SUGCT: variants seen among roughly 807,000 people sequenced by gnomAD.
The protein encoded by SUGCT is succinyl-CoA:glutarate-CoA transferase.
Under a neutral mutation model 55.0 loss-of-function variants are expected in SUGCT, and 41 were observed. The observed-to-expected ratio is 0.74, with a 90% confidence interval of 0.58 to 0.97. The LOEUF (loss-of-function observed/expected upper bound fraction) is 0.97, where lower values mean the gene tolerates loss of function less well. Among genes scored for constraint, SUGCT ranks in the 50% least tolerant of loss-of-function variants. The pLI is 0.00. For synonymous variants in SUGCT, 187 were observed against 200.4 expected (o/e 0.93, Z 0.56); for missense variants, 568 against 547.8 (o/e 1.04, Z -0.37).
At chr7:40,917,990 T>C in the SUGCT span, among the ~76,000 whole-genome samples, 5 of 152,132 alleles carry the variant, frequency 3.3e-5, no homozygotes, top group Non-Finnish European at 5.9e-5. Flanking sequence ...ATCCACATCC[T>C]GAAGGCCTAG....
rs562683593 is a variant in SUGCT, at chr7:40,331,896, G to A, written c.816+15041G>A. On this transcript the variant is annotated intron_variant, in intron 9 of 13. Transcript: ENST00000335693. ...CAAGCTCAGTAGAATTGTTAGCACC[G>A]TTAGTGTTGTTAGTATAGCCATCTT... Among the ~76,000 whole-genome samples the A allele has an allele frequency of 4.6e-5, 7 of 152,276 alleles. No individual in the cohort carries two copies. The South Asian group carries it at 1.0e-3, about 23-fold the overall frequency.
intron 12 of SUGCT, among the ~76,000 whole-genome samples, chr7:40,518,097 T>G (rs112168288): frequency 4.6e-5 from 7 of 152,120 alleles, no homozygotes; most frequent in African/African-American, 1.7e-4. Flanking sequence ...TATGCACTTA[T>G]CAAAATTCAC....
the SUGCT span, among the ~76,000 whole-genome samples, chr7:40,893,044 A>G: frequency 1.3e-5 from 2 of 152,198 alleles, no homozygotes; most frequent in African/African-American, 4.8e-5. Flanking sequence ...TATATCTGAC[A>G]AAATAGACTT....
Position 40,189,600 on chromosome 7 carries a change from G to A in SUGCT, c.363+6G>A. On this transcript the variant is annotated splice_donor_region_variant and intron_variant, in intron 5 of 13. Transcript: ENST00000335693. ...GGGTGAAAATCATCAAAGAGGTACA[G>A]TATGATGTATAGAAAGCATCCTACC... is the stretch of plus-strand genomic sequence containing the variant. 1.4e-6 allele frequency: 2 copies of A among 1,405,240 alleles called. No individual in the cohort carries two copies. Among genetic ancestry groups the A allele is most frequent in the Non-Finnish European group, 1.9e-6 (2 of 1,054,142 alleles). 87.0% of individuals were successfully genotyped at this position (1,405,240 alleles called of 1,614,324 possible). A position where few individuals can be genotyped will look rare whatever the true frequency, so the allele number is the denominator to read the frequency against.
chr7:40,179,343 G>C (rs1174159693), intron 1 of SUGCT, among the ~76,000 whole-genome samples: 3 of 151,870 alleles, frequency 2.0e-5, no homozygotes, highest in African/African-American at 7.3e-5. Flanking sequence ...GCCCAGGCTG[G>C]AGTGCAATGG....
chr7:40,969,988 A>G, the SUGCT span, among the ~76,000 whole-genome samples: 15 of 152,230 alleles, frequency 9.9e-5, no homozygotes, highest in Non-Finnish European at 2.1e-4. Context: ...TGTGTCCAAC[A>G]GAAACAAAAA....
chr7:40,379,900 C>A (rs1322296862), intron 9 of SUGCT, among the ~76,000 whole-genome samples: 1 of 152,202 alleles, frequency 6.6e-6, no homozygotes, highest in African/African-American at 2.4e-5. Context: ...CTTCTCAAAG[C>A]TCCTTATGAA....
At chr7:40,269,306 ATT>A (rs1791838348) in intron 7 of SUGCT, among the ~76,000 whole-genome samples, 2 of 151,338 alleles carry the variant, frequency 1.3e-5, no homozygotes, top group African/African-American at 4.9e-5. Flanking sequence ...TACTTTTTTA[ATT>A]TTTTATTTTA....
chr7:40,411,237 C>T (rs1786666795), intron 9 of SUGCT, among the ~76,000 whole-genome samples: 1 of 151,972 alleles, frequency 6.6e-6, no homozygotes, highest in South Asian at 2.1e-4. Context: ...TACTAAAAAT[C>T]CAAAAATTAG....
chr7:40,670,594 G>A (rs779686515), intron 12 of SUGCT, among the ~76,000 whole-genome samples: 25 of 152,094 alleles, frequency 1.6e-4, no homozygotes, highest in East Asian at 3.9e-4. Context: ...TGCTCAAGCC[G>A]TCCTCAAACT....
intron 13 of SUGCT, among the ~76,000 whole-genome samples, chr7:40,823,875 G>C (rs1235855518): frequency 6.6e-6 from 1 of 152,112 alleles, no homozygotes; most frequent in Non-Finnish European, 1.5e-5. Flanking sequence ...CCTCTTGACA[G>C]AGTTAAGGCC....
At chr7:40,637,723 A>T (rs1208106222) in intron 12 of SUGCT, among the ~76,000 whole-genome samples, 2 of 152,272 alleles carry the variant, frequency 1.3e-5, no homozygotes, top group Middle Eastern at 3.4e-3. Flanking sequence ...CTTGTTTCTT[A>T]GTTTTATAAA....
At chr7:40,950,734 G>T in the SUGCT span, among the ~76,000 whole-genome samples, 1 of 152,104 alleles carries the variant, frequency 6.6e-6, no homozygotes, top group African/African-American at 2.4e-5. Flanking sequence ...TTTGTCTTTG[G>T]TTCTGTTTAT....
At chr7:40,378,987 A>G (rs893238611) in intron 9 of SUGCT, among the ~76,000 whole-genome samples, 5 of 152,258 alleles carry the variant, frequency 3.3e-5, no homozygotes, top group Non-Finnish European at 7.4e-5. Context: ...GAGGGGTGGA[A>G]GTTAGCCTGG....
At chr7:40,948,388 A>G in the SUGCT span, among the ~76,000 whole-genome samples, 1 of 152,132 alleles carries the variant, frequency 6.6e-6, no homozygotes, top group Non-Finnish European at 1.5e-5. Flanking sequence ...GTAACCCACA[A>G]ACAGATTTAG....
intron 7 of SUGCT, among the ~76,000 whole-genome samples, chr7:40,255,784 T>C (rs945404665): frequency 1.3e-5 from 2 of 151,414 alleles, no homozygotes; most frequent in African/African-American, 2.4e-5. Context: ...ATTTTCGCCA[T>C]CACAGTCTAA....
Position 40,727,540 on chromosome 7 carries a change from A to G in SUGCT, c.1090-21894A>G, listed in dbSNP as rs113998530. Among the ~76,000 whole-genome samples, 1,368 of 152,284 alleles carry G rather than the reference A, an allele frequency of 9.0e-3. 16 individuals are homozygous for G. The highest frequency in any genetic ancestry group is 0.031 in the African/African-American group (1,283 of 41,546). On this transcript the variant is annotated intron_variant, in intron 12 of 13. Coordinates refer to ENST00000335693, the MANE Select transcript of SUGCT (RefSeq NM_001193313.2). ...CACCTAAAACATTGTTGTGTACTTC[A>G]TGTCTGATATCTGTGCTGAAGCTCA...
At chr7:40,520,384 G>A (rs1232445921) in intron 12 of SUGCT, among the ~76,000 whole-genome samples, 1 of 152,076 alleles carries the variant, frequency 6.6e-6, no homozygotes, top group East Asian at 1.9e-4. Context: ...TTTTAGTACT[G>A]TAATCTAGAG....
At chr7:40,306,543 A>G (rs931294502) in intron 8 of SUGCT, among the ~76,000 whole-genome samples, 1 of 152,230 alleles carries the variant, frequency 6.6e-6, no homozygotes, top group Non-Finnish European at 1.5e-5. Context: ...AAAGTAATAA[A>G]CACAAGTAAG....
Sources: gnomAD v4.1 joint callset for allele counts (sites outside exome capture counted in the v4.1 genomes callset) on GRCh38, gnomAD v4.1.1 for gene constraint, MANE v1.5 for transcripts, NCBI Gene and HGNC (gene_info 2026-07-23, HGNC 2026-07-21) for gene names.